The following SH3BGRL2 variants were observed in gnomAD, a reference collection of about 807,000 sequenced individuals.
SH3BGRL2 encodes SH3 domain binding glutamate rich protein like 2, also known as SH3 domain-binding glutamic acid-rich-like protein 2.
A neutral mutation model predicts 14.8 loss-of-function variants in SH3BGRL2; 21 were observed. That is an observed-to-expected ratio of 1.42 (90% confidence interval 1.01 to 2.05). SH3BGRL2 has a LOEUF of 2.05. SH3BGRL2 is among the 30% of genes most tolerant of loss of function. The pLI, the probability that SH3BGRL2 is intolerant of heterozygous loss-of-function variation, is 0.00. For synonymous variants in SH3BGRL2, 50 were observed against 47.8 expected (o/e 1.05, Z -0.19); for missense variants, 147 against 130.8 (o/e 1.12, Z -0.61).
the SH3BGRL2 span, among the ~76,000 whole-genome samples, chr6:79,566,808 G>A: frequency 6.6e-6 from 1 of 151,444 alleles, no homozygotes; most frequent in South Asian, 2.1e-4. Context: ...GAAGTGGAAG[G>A]ATCGCTTGAG....
At chr6:79,593,753 G>C in the SH3BGRL2 span, among the ~76,000 whole-genome samples, 1 of 152,162 alleles carries the variant, frequency 6.6e-6, no homozygotes, top group South Asian at 2.1e-4. Context: ...AATGTATATT[G>C]CCCAAGGTAA....
the SH3BGRL2 span, among the ~76,000 whole-genome samples, chr6:79,590,464 T>TATATAC: frequency 7.6e-6 from 1 of 131,010 alleles, no homozygotes. Flanking sequence ...TATATATATA[T>TATATAC]GCGCCATGGA....
the SH3BGRL2 span, among the ~76,000 whole-genome samples, chr6:79,597,235 AAAAG>A: frequency 1.3e-4 from 20 of 152,078 alleles, no homozygotes; most frequent in African/African-American, 4.6e-4. Context: ...TCAACAAAAA[AAAAG>A]AAGAAAGAAG....
the SH3BGRL2 span, among the ~76,000 whole-genome samples, chr6:79,541,298 A>C: frequency 5.9e-5 from 9 of 152,224 alleles, no homozygotes; most frequent in African/African-American, 2.2e-4. Flanking sequence ...AAATATATAA[A>C]ATATGTGTGC....
the SH3BGRL2 span, among the ~76,000 whole-genome samples, chr6:79,593,258 A>G: frequency 6.6e-6 from 1 of 152,176 alleles, no homozygotes; most frequent in Non-Finnish European, 1.5e-5. Context: ...AATGCTAGAG[A>G]TATATAAGAA....
In SH3BGRL2 at chr6:79,702,548, C is replaced by T. The variant is rs1253090591; in HGVS notation, c.*3039C>T. 12 of 152,234 alleles carry T rather than the reference C, an allele frequency of 7.9e-5. No individual in the cohort carries two copies. The highest frequency in any genetic ancestry group is 1.3e-4 in the Non-Finnish European group (9 of 68,038). The allele number at this position is 152,234 out of a possible 1,614,324, so 9.4% of individuals were successfully genotyped here. A position where few individuals can be genotyped will look rare whatever the true frequency, so the allele number is the denominator to read the frequency against. ...AGTGTTTGTTCCCTGCCATTTTTCA[C>T]ACCTCTCTTAATTTTAGTTCTGTTT... On this transcript the variant is annotated 3_prime_UTR_variant, in exon 4 of 4. Transcript: ENST00000369838.
chr6:79,588,868 A>T, the SH3BGRL2 span, among the ~76,000 whole-genome samples: 6 of 152,180 alleles, frequency 3.9e-5, no homozygotes, highest in Non-Finnish European at 1.5e-5. Flanking sequence ...GTCCAAAGTC[A>T]TATAGCCATT....
chr6:79,668,206 A>G (rs1228898721), intron 1 of SH3BGRL2, among the ~76,000 whole-genome samples: 1 of 152,136 alleles, frequency 6.6e-6, no homozygotes, highest in Non-Finnish European at 1.5e-5. Flanking sequence ...AAGTAATCCT[A>G]CAAGAAGAGA....
the SH3BGRL2 span, among the ~76,000 whole-genome samples, chr6:79,605,196 C>G: frequency 6.6e-5 from 10 of 152,170 alleles, no homozygotes; most frequent in Non-Finnish European, 1.3e-4. Flanking sequence ...TAAGAAAGCC[C>G]AAGCTGGCTA....
Position 79,699,535 on chromosome 6 carries a change from A to G in SH3BGRL2, c.*26A>G. 3 of 1,448,070 alleles carry G rather than the reference A, an allele frequency of 2.1e-6. No individual in the cohort carries two copies. Among genetic ancestry groups the G allele is most frequent in the Non-Finnish European group, 2.7e-6 (3 of 1,099,806 alleles). The allele number at this position is 1,448,070 out of a possible 1,614,324, so 89.7% of individuals were successfully genotyped here. On this transcript the variant is annotated 3_prime_UTR_variant, in exon 4 of 4. Coordinates refer to ENST00000369838, the MANE Select transcript of SH3BGRL2 (RefSeq NM_031469.4). The stretch of plus-strand genomic sequence containing the variant: ...AGAAGAAGAGTGGAAGATGACGGAG[A>G]TGCATTTTGAAGCACCCCTGGTACT...
the SH3BGRL2 span, among the ~76,000 whole-genome samples, chr6:79,587,017 G>C: frequency 1.3e-5 from 2 of 152,018 alleles, no homozygotes; most frequent in Admixed American, 1.3e-4. Context: ...CAAAAAACAC[G>C]TTTTTATCTA....
At chr6:79,683,812 A>G (rs537579698) in intron 2 of SH3BGRL2, among the ~76,000 whole-genome samples, 1 of 152,120 alleles carries the variant, frequency 6.6e-6, no homozygotes, top group East Asian at 1.9e-4. Context: ...TTCCATTCAC[A>G]TTTCCCTCTG....
chr6:79,696,447 C>T, intron 2 of SH3BGRL2, 38 bp from the exon 3 acceptor site: 1 of 1,417,692 alleles, frequency 7.1e-7, no homozygotes, highest in Non-Finnish European at 9.7e-7. Flanking sequence ...TAATTGTTTG[C>T]TTTTGTTGGT....
chr6:79,591,421 T>G, the SH3BGRL2 span, among the ~76,000 whole-genome samples: 1 of 152,192 alleles, frequency 6.6e-6, no homozygotes, highest in Non-Finnish European at 1.5e-5. Context: ...TTTTGTTTTG[T>G]TTTGTTTTAG....
intron 2 of SH3BGRL2, among the ~76,000 whole-genome samples, chr6:79,684,314 T>C (rs1368653442): frequency 1.3e-5 from 2 of 152,186 alleles, no homozygotes; most frequent in Non-Finnish European, 2.9e-5. Context: ...GGACTCTGGT[T>C]ATTACTTCTT....
the SH3BGRL2 span, among the ~76,000 whole-genome samples, chr6:79,620,870 A>T: frequency 6.6e-6 from 1 of 152,064 alleles, no homozygotes; most frequent in Admixed American, 6.6e-5. Flanking sequence ...CTATCCAGGG[A>T]ATCTAAGGAA....
At chr6:79,635,440 T>TC (rs1446744251) in intron 1 of SH3BGRL2, among the ~76,000 whole-genome samples, 45 of 152,368 alleles carry the variant, frequency 3.0e-4, no homozygotes, top group African/African-American at 1.1e-3. Context: ...ACTCATATAT[T>TC]CATCAGACAA....
At chr6:79,551,419 A>G in the SH3BGRL2 span, among the ~76,000 whole-genome samples, 6 of 151,686 alleles carry the variant, frequency 4.0e-5, no homozygotes, top group African/African-American at 1.4e-4. Flanking sequence ...AAGAAGTATC[A>G]TCAATGCTGT....
intron 2 of SH3BGRL2, among the ~76,000 whole-genome samples, chr6:79,675,688 C>A (rs1769866927): frequency 6.6e-6 from 1 of 152,052 alleles, no homozygotes; most frequent in East Asian, 1.9e-4. Context: ...GAACAAAATC[C>A]TTTCATTGAA....
Sources: gnomAD v4.1 joint callset for allele counts (sites outside exome capture counted in the v4.1 genomes callset) on GRCh38, gnomAD v4.1.1 for gene constraint, MANE v1.5 for transcripts, NCBI Gene and HGNC (gene_info 2026-07-23, HGNC 2026-07-21) for gene names.